DPYD: variants seen among roughly 807,000 people sequenced by gnomAD.
DPYD encodes the protein dihydropyrimidine dehydrogenase [NADP(+)].
A neutral mutation model predicts 116.2 loss-of-function variants in DPYD; 109 were observed. That is an observed-to-expected ratio of 0.94 (90% CI 0.80 to 1.10). DPYD has a LOEUF of 1.10. Ranked by LOEUF, DPYD falls within the 50% of genes least tolerant of loss-of-function variation. The probability of loss-of-function intolerance (pLI) is 0.00; values close to 1 mark genes in which losing one functional copy is unlikely to be tolerated. For synonymous variants in DPYD, 440 were observed against 432.0 expected, an observed-to-expected ratio of 1.02 and a Z score of -0.23; for missense variants, 1,302 against 1,254.5, an observed-to-expected ratio of 1.04 and a Z score of -0.57.
At chr1:97,585,743 T>C (rs1210366936) in intron 10 of DPYD, 4 of 152,160 alleles carry the variant, frequency 2.6e-5, no homozygotes, top group African/African-American at 4.8e-5. Flanking sequence ...AGAAAAGATA[T>C]TGAAAAGCGG....
intron 8 of DPYD, among the ~76,000 whole-genome samples, chr1:97,644,968 TAATA>T (rs1209873120): frequency 6.6e-6 from 1 of 152,134 alleles, no homozygotes; most frequent in African/African-American, 2.4e-5. Context: ...ATGCAAATTA[TAATA>T]TATATGGTTT....
intron 8 of DPYD, among the ~76,000 whole-genome samples, chr1:97,613,159 C>T (rs1421620654): frequency 2.0e-5 from 3 of 151,944 alleles, no homozygotes; most frequent in South Asian, 2.1e-4. Flanking sequence ...TATTAAGCAG[C>T]CTTCCTGTAA....
At chr1:97,353,403 G>A (rs1670248867) in intron 16 of DPYD, among the ~76,000 whole-genome samples, 1 of 152,170 alleles carries the variant, frequency 6.6e-6, no homozygotes, top group Non-Finnish European at 1.5e-5. Context: ...ACCGTTTGAA[G>A]AAGGGGTGTA....
chr1:97,275,815 G>T (rs1000633279), intron 18 of DPYD, among the ~76,000 whole-genome samples: 4 of 152,048 alleles, frequency 2.6e-5, no homozygotes, highest in African/African-American at 9.7e-5. Context: ...CTTCCTGTTA[G>T]CTTCCTCTCT....
intron 16 of DPYD, among the ~76,000 whole-genome samples, chr1:97,322,277 GA>G (rs141935843): frequency 1.7e-4 from 26 of 150,508 alleles, no homozygotes; most frequent in East Asian, 9.9e-4. Flanking sequence ...ATTAGGAAGG[GA>G]AAAAAAAATT....
intron 22 of DPYD, among the ~76,000 whole-genome samples, chr1:97,081,717 CTTTTT>C (rs371355751): frequency 0.23 from 30,768 of 136,272 alleles, 3,971 homozygotes; most frequent in Middle Eastern, 0.4. Flanking sequence ...CTTTTCTTTT[CTTTTT>C]TTTTTTTTTT....
chr1:97,532,921 T>TTTG (rs1553190659), intron 12 of DPYD, among the ~76,000 whole-genome samples: 125 of 149,030 alleles, frequency 8.4e-4, no homozygotes, highest in African/African-American at 2.8e-3. Flanking sequence ...GTTTTTTTTT[T>TTTG]TTGTTGTTGT....
chr1:97,551,284 G>T (rs569449010), intron 11 of DPYD, among the ~76,000 whole-genome samples: 1 of 152,130 alleles, frequency 6.6e-6, no homozygotes, highest in Non-Finnish European at 1.5e-5. Flanking sequence ...AAGGTCACAT[G>T]AAAAGAGATC....
chr1:97,598,012 A>C (rs1654994834), intron 8 of DPYD, among the ~76,000 whole-genome samples: 1 of 152,220 alleles, frequency 6.6e-6, no homozygotes, highest in Non-Finnish European at 1.5e-5. Context: ...ATCCATATGG[A>C]TAAACCATAT....
chr1:97,314,351 TG>T (rs986969671), intron 16 of DPYD, among the ~76,000 whole-genome samples: 45 of 152,088 alleles, frequency 3.0e-4, no homozygotes, highest in African/African-American at 9.9e-4. Flanking sequence ...ATTCCTGTTT[TG>T]TTCCTTTAAA....
intron 18 of DPYD, among the ~76,000 whole-genome samples, chr1:97,292,010 CCCA>C (rs966769415): frequency 5.9e-5 from 9 of 151,744 alleles, no homozygotes; most frequent in African/African-American, 2.2e-4. Context: ...TGCGTTATAC[CCCA>C]CATTAGGTTT....
At chr1:97,714,332 C>T (rs1662478341) in intron 5 of DPYD, among the ~76,000 whole-genome samples, 1 of 151,952 alleles carries the variant, frequency 6.6e-6, no homozygotes, top group Admixed American at 6.6e-5. Flanking sequence ...CCTGCCTCAG[C>T]CTCTTGAGTA....
intron 2 of DPYD, among the ~76,000 whole-genome samples, chr1:97,846,621 C>T (rs576677428): frequency 2.0e-5 from 3 of 152,150 alleles, no homozygotes; most frequent in African/African-American, 7.2e-5. Context: ...AAACCCCACA[C>T]ATCTGGTATT....
At chr1:97,830,665 G>A (rs568180105) in intron 2 of DPYD, among the ~76,000 whole-genome samples, 10 of 151,224 alleles carry the variant, frequency 6.6e-5, no homozygotes, top group East Asian at 2.0e-4. Context: ...AGCTGAGTTC[G>A]CGCCACGGCA....
intron 18 of DPYD, among the ~76,000 whole-genome samples, chr1:97,268,086 G>A (rs939483435): frequency 6.6e-6 from 1 of 152,192 alleles, no homozygotes; most frequent in African/African-American, 2.4e-5. Context: ...CTTGTTTCAT[G>A]TAAGTCCAAA....
chr1:97,348,301 A>G (rs967729769), intron 16 of DPYD, among the ~76,000 whole-genome samples: 1 of 152,200 alleles, frequency 6.6e-6, no homozygotes, highest in South Asian at 2.1e-4. Context: ...AAGCAATAAC[A>G]AGGGATTGAA....
At chr1:97,286,876 T>C (rs1288185717) in intron 18 of DPYD, among the ~76,000 whole-genome samples, 1 of 152,200 alleles carries the variant, frequency 6.6e-6, no homozygotes, top group African/African-American at 2.4e-5. Flanking sequence ...TTTCCTCCTG[T>C]AGCTCGGAGT....
chr1:97,273,101 TAA>T (rs1199248619), intron 18 of DPYD, among the ~76,000 whole-genome samples: 1 of 152,150 alleles, frequency 6.6e-6, no homozygotes, highest in Admixed American at 6.6e-5. Context: ...TTCCTTTCAT[TAA>T]ATGCCAAATA....
intron 18 of DPYD, among the ~76,000 whole-genome samples, chr1:97,276,004 TC>T (rs1664907979): frequency 6.6e-6 from 1 of 152,124 alleles, no homozygotes; most frequent in African/African-American, 2.4e-5. Context: ...TTAGTTTATC[TC>T]AACAGGTTCC....
Sources: gnomAD v4.1 joint callset for allele counts (sites outside exome capture counted in the v4.1 genomes callset) on GRCh38, gnomAD v4.1.1 for gene constraint, MANE v1.5 for transcripts, NCBI Gene and HGNC (gene_info 2026-07-23, HGNC 2026-07-21) for gene names.